The following CLSTN2 variants were observed in gnomAD, a reference collection of about 807,000 sequenced individuals.
CLSTN2 encodes calsyntenin-2.
CLSTN2 carries 48 observed loss-of-function variants against 101.2 expected under a neutral mutation model. The observed-to-expected ratio is 0.47, with a 90% CI of 0.38 to 0.60. CLSTN2 has a LOEUF of 0.60. Ranked by LOEUF, CLSTN2 falls within the 20% of genes least tolerant of loss-of-function variation. CLSTN2 has a pLI of 0.00. For missense variants in CLSTN2, 1,160 were observed against 1,238.2 expected (o/e 0.94, Z 0.95); for synonymous variants, 481 against 463.6 (o/e 1.04, Z -0.48).
At chr3:140,269,878 C>T (rs562330000) in intron 2 of CLSTN2, among the ~76,000 whole-genome samples, 1 of 152,286 alleles carries the variant, frequency 6.6e-6, no homozygotes, top group South Asian at 2.1e-4. Context: ...GAAGCTTTCT[C>T]ATTTGGAAAA....
chr3:140,452,248 AGCACATTTC>A (rs1933269679), intron 6 of CLSTN2, among the ~76,000 whole-genome samples: 1 of 151,954 alleles, frequency 6.6e-6, no homozygotes, highest in Non-Finnish European at 1.5e-5. Context: ...CCATTACTAC[AGCACATTTC>A]GCCCTGATGT....
chr3:140,275,364 C>A (rs2086784138), intron 2 of CLSTN2, among the ~76,000 whole-genome samples: 1 of 152,000 alleles, frequency 6.6e-6, no homozygotes, highest in African/African-American at 2.4e-5. Flanking sequence ...ACTTCAACTC[C>A]TGGGCTGAAG....
chr3:140,197,984 A>T lies in CLSTN2; in HGVS notation c.232+21911A>T, dbSNP rs77602223. ...CTTTGTTATCCTGTGGATCCTGGGCAATTAGAATTTTATTTGTGGCTCTTG... is the reference window on the plus strand; with the variant it reads ...CTTTGTTATCCTGTGGATCCTGGGCTATTAGAATTTTATTTGTGGCTCTTG... On this transcript the variant is annotated intron_variant, in intron 2 of 16. Transcript: ENST00000458420. 6.9e-3 allele frequency among the ~76,000 whole-genome samples: 1,046 copies of T among 152,276 alleles called. 16 individuals carry two copies. Among genetic ancestry groups the T allele is most frequent in the East Asian group, 0.059 (303 of 5,166 alleles).
intron 2 of CLSTN2, among the ~76,000 whole-genome samples, chr3:140,393,701 G>A (rs2088147003): frequency 6.6e-6 from 1 of 152,134 alleles, no homozygotes; most frequent in Non-Finnish European, 1.5e-5. Flanking sequence ...TCATGGAGGG[G>A]TCTGACTAAT....
At chr3:140,557,004 C>T in intron 11 of CLSTN2, 1 of 202,176 alleles carries the variant, frequency 4.9e-6, no homozygotes. Flanking sequence ...GTGCGTGGTA[C>T]ACAGGAAGTC....
chr3:140,249,379 C>A (rs1576484000), intron 2 of CLSTN2, among the ~76,000 whole-genome samples: 1 of 152,288 alleles, frequency 6.6e-6, no homozygotes, highest in South Asian at 2.1e-4. Flanking sequence ...GTGGTTTGGA[C>A]CAGCACTCTG....
chr3:140,531,976 T>A (rs1229528168), intron 8 of CLSTN2, among the ~76,000 whole-genome samples: 1 of 151,986 alleles, frequency 6.6e-6, no homozygotes, highest in African/African-American at 2.4e-5. Context: ...GAGTCTTGGG[T>A]TTAAAAGGTT....
chr3:140,082,461 A>T (rs2008614043), intron 1 of CLSTN2, among the ~76,000 whole-genome samples: 1 of 152,124 alleles, frequency 6.6e-6, no homozygotes, highest in African/African-American at 2.4e-5. Context: ...GCATCTTTGA[A>T]ATGAACATAT....
At chr3:140,333,938 A>G (rs2087415600) in intron 2 of CLSTN2, among the ~76,000 whole-genome samples, 1 of 152,196 alleles carries the variant, frequency 6.6e-6, no homozygotes, top group East Asian at 1.9e-4. Flanking sequence ...AAACGTGAAA[A>G]AAAATTGCAC....
At chr3:140,555,901 T>C (rs921648410) in intron 10 of CLSTN2, among the ~76,000 whole-genome samples, 14 of 146,314 alleles carry the variant, frequency 9.6e-5, no homozygotes, top group African/African-American at 3.9e-4. Flanking sequence ...ATGAAATGGA[T>C]AGATAACAAA....
At chr3:140,461,926 C>T (rs998184464) in intron 7 of CLSTN2, among the ~76,000 whole-genome samples, 7 of 150,612 alleles carry the variant, frequency 4.6e-5, no homozygotes, top group Non-Finnish European at 7.4e-5. Flanking sequence ...TCTATAAATA[C>T]CCCATCCTAA....
At chr3:140,144,211 A>C (rs2009747461) in intron 1 of CLSTN2, among the ~76,000 whole-genome samples, 1 of 152,232 alleles carries the variant, frequency 6.6e-6, no homozygotes, top group Non-Finnish European at 1.5e-5. Flanking sequence ...TGAGGGGTGG[A>C]GACAAATATG....
chr3:140,368,652 T>G (rs776501252), intron 2 of CLSTN2, among the ~76,000 whole-genome samples: 3 of 152,114 alleles, frequency 2.0e-5, no homozygotes, highest in Non-Finnish European at 2.9e-5. Context: ...GGACTCTGAC[T>G]AGCACAGGTA....
chr3:140,238,526 G>A (rs1311754000), intron 2 of CLSTN2, among the ~76,000 whole-genome samples: 1 of 152,072 alleles, frequency 6.6e-6, no homozygotes, highest in Non-Finnish European at 1.5e-5. Flanking sequence ...TCTGCATCTC[G>A]TTTTATAATT....
At chr3:140,120,144 T>C (rs1207004669) in intron 1 of CLSTN2, among the ~76,000 whole-genome samples, 1 of 152,092 alleles carries the variant, frequency 6.6e-6, no homozygotes, top group East Asian at 1.9e-4. Flanking sequence ...TGGGGCTTAG[T>C]CATCAAGAAT....
At chr3:139,958,583 G>C (rs375082280) in intron 1 of CLSTN2, among the ~76,000 whole-genome samples, 2 of 151,880 alleles carry the variant, frequency 1.3e-5, no homozygotes, top group Admixed American at 1.3e-4. Flanking sequence ...GATGTACCAG[G>C]TGGGCTGGGG....
intron 2 of CLSTN2, among the ~76,000 whole-genome samples, chr3:140,327,165 G>T (rs1195710791): frequency 1.3e-5 from 2 of 152,168 alleles, no homozygotes; most frequent in Non-Finnish European, 2.9e-5. Context: ...CACATGCGCT[G>T]AATGAGCCAG....
chr3:140,022,305 C>T (rs12632454), intron 1 of CLSTN2, among the ~76,000 whole-genome samples: 83,461 of 152,028 alleles, frequency 0.55, 24,671 homozygotes, highest in South Asian at 0.73. Flanking sequence ...GCCATCCCTG[C>T]GTATAGATGA....
At chr3:140,248,881 A>G (rs1190526410) in intron 2 of CLSTN2, among the ~76,000 whole-genome samples, 1 of 152,212 alleles carries the variant, frequency 6.6e-6, no homozygotes, top group Non-Finnish European at 1.5e-5. Context: ...CCTTGGATAA[A>G]TCACTTTCTC....
Sources: gnomAD v4.1 joint callset for allele counts (sites outside exome capture counted in the v4.1 genomes callset) on GRCh38, gnomAD v4.1.1 for gene constraint, MANE v1.5 for transcripts, NCBI Gene and HGNC (gene_info 2026-07-23, HGNC 2026-07-21) for gene names.